Variants in PISD observed in about 807,000 individuals in gnomAD.
The protein encoded by PISD is phosphatidylserine decarboxylase proenzyme, mitochondrial.
A neutral mutation model predicts 43.5 loss-of-function variants in PISD; 31 were observed. The observed-to-expected ratio is 0.71, with a 90% CI of 0.54 to 0.96. PISD has a LOEUF of 0.96. PISD is among the 40% of genes least tolerant of loss of function. PISD has a pLI of 0.00. For missense variants in PISD, 523 were observed against 548.4 expected (o/e 0.95, Z 0.46); for synonymous variants, 259 against 228.7 (o/e 1.13, Z -1.20).
In PISD at chr22:31,620,569, C is replaced by G. The variant is rs369296426; in HGVS notation, c.989G>C (p.Arg330Pro). Residue 330 changes from arginine to proline, a missense_variant, in exon 7 of 8, where the codon CGC (arginine) becomes CCC (proline). Physicochemically the swap from Arg to Pro is moderately radical, Grantham distance 103 (BLOSUM62 -2). Coordinates refer to ENST00000439502, the MANE Select transcript of PISD (RefSeq NM_001326411.2). Reference protein sequence around the residue: ...AVGATNVGSIRIYFDRDLHTN... With the variant: ...AVGATNVGSIPIYFDRDLHTN... ...CCTGCTTACCCGGTCAAAGTAGATG[C>G]GAATGGAGCCCACGTTGGTGGCCCC... 22 of 1,614,064 alleles carry G rather than the reference C, an allele frequency of 1.4e-5. No homozygotes were observed. The African/African-American group carries it at 1.6e-4, about 12-fold the overall frequency.
At chr22:31,645,038 C>T (rs1263144491) in intron 3 of PISD, among the ~76,000 whole-genome samples, 1 of 152,080 alleles carries the variant, frequency 6.6e-6, no homozygotes, top group Non-Finnish European at 1.5e-5. Context: ...AGGAGAATCG[C>T]TTGAACCCAA....
At chr22:31,627,380 C>T (rs1216348928) in intron 3 of PISD, among the ~76,000 whole-genome samples, 3 of 152,372 alleles carry the variant, frequency 2.0e-5, no homozygotes, top group South Asian at 2.1e-4. Context: ...GGCCGAGGCC[C>T]AGGCCCATAG....
In PISD at chr22:31,619,564, A is replaced by ACTCTGTT; in HGVS notation, c.*41_*47dup. 1 of 1,508,386 alleles carries ACTCTGTT rather than the reference A, an allele frequency of 6.6e-7. No homozygotes were observed. The highest frequency in any genetic ancestry group is 2.3e-5 in the East Asian group (1 of 44,230). The allele number at this position is 1,508,386 out of a possible 1,614,324, so 93.4% of individuals were successfully genotyped here. On this transcript the variant is annotated 3_prime_UTR_variant, in exon 8 of 8. Coordinates refer to ENST00000439502, the MANE Select transcript of PISD (RefSeq NM_001326411.2). ...GGGCCTCCCTCTTGAAAAGACCCTC[A>ACTCTGTT]CTCTGTTTGGAAAAGATCCCTTAGC...
In PISD at chr22:31,627,736, G is replaced by T. The variant is rs550150868; in HGVS notation, c.322-5851C>A. Among the ~76,000 whole-genome samples the T allele has an allele frequency of 2.0e-5, 3 of 152,380 alleles. No homozygotes were observed. In the South Asian group the frequency reaches 6.2e-4, roughly 32 times the overall value. On this transcript the variant is annotated intron_variant, in intron 3 of 7. Transcript: ENST00000439502. ...ACCATGTGGGACAGTGACGACCACAGCCCTGAATGTATTAGAAAGACATGA... is the reference window on the plus strand; with the variant it reads ...ACCATGTGGGACAGTGACGACCACATCCCTGAATGTATTAGAAAGACATGA...
rs3747156 is a variant in PISD at position 31,630,938 on chromosome 22, G to T, written c.322-9053C>A. On this transcript the variant is annotated intron_variant, in intron 3 of 7. Coordinates refer to ENST00000439502, the MANE Select transcript of PISD (RefSeq NM_001326411.2). This position sits in a 1 kb window ranked among gnomAD's most constrained non-coding sequence, Gnocchi z 4.4. ...GGGCGGGGGCAGGAGGCCGACCCCAGCCACCCTTAAAGCTGCCGCCCCCTC... is the reference window on the plus strand; with the variant it reads ...GGGCGGGGGCAGGAGGCCGACCCCATCCACCCTTAAAGCTGCCGCCCCCTC... 0.063 allele frequency: 54,863 copies of T among 872,980 alleles called. 1,983 individuals are homozygous for T. Among genetic ancestry groups the T allele is most frequent in the Admixed American group, 0.15 (2,368 of 16,156 alleles). 54.1% of individuals were successfully genotyped at this position (872,980 alleles called of 1,614,324 possible). A position where few individuals can be genotyped will look rare whatever the true frequency, so the allele number is the denominator to read the frequency against.
chr22:31,638,324 G>A (rs935656629), intron 3 of PISD: 9 of 977,020 alleles, frequency 9.2e-6, no homozygotes, highest in African/African-American at 1.8e-5. Context: ...GAGTCTGGAC[G>A]GCCACCCCTG....
intron 3 of PISD, among the ~76,000 whole-genome samples, chr22:31,645,142 T>C (rs1315989988): frequency 6.6e-6 from 1 of 151,920 alleles, no homozygotes; most frequent in African/African-American, 2.4e-5. Context: ...AAAAAAACTT[T>C]GTTTCATGAA....
intron 3 of PISD, chr22:31,628,151 G>A (rs2073010453): frequency 1.0e-6 from 1 of 985,688 alleles, no homozygotes; most frequent in South Asian, 4.7e-5. Flanking sequence ...TCGCCAGGGA[G>A]GAAAATGAAT....
At chr22:31,635,901 C>T (rs768239184) in intron 3 of PISD, among the ~76,000 whole-genome samples, 8 of 152,240 alleles carry the variant, frequency 5.3e-5, no homozygotes, top group Admixed American at 2.0e-4. Context: ...CACACTCACA[C>T]CTATTAGGTA....
At position 31,619,816 on chromosome 22, in the gene PISD, T is replaced by C. The variant is rs2072387358; in HGVS notation, c.1026A>G (p.Pro342=). 7.4e-6 allele frequency: 12 copies of C among 1,613,678 alleles called. No homozygotes were observed. Among genetic ancestry groups the C allele is most frequent in the African/African-American group, 1.3e-5 (1 of 75,036 alleles). The change falls in exon 8 of 8, where the codon CCA becomes CCG. Residue 342 remains proline, a synonymous_variant. Transcript: ENST00000439502. The part of the protein sequence containing the change: ...YFDRDLHTNS[P]RHSKGSYNDF... The stretch of plus-strand genomic sequence containing the variant: ...CATTGTAGGAGCCCTTGCTGTGCCT[T>C]GGGCTGTTTGTGTGCAGGTCCTGTG...
chr22:31,621,502 G>A lies in PISD; in HGVS notation c.559-30C>T, dbSNP rs1160865001. Reference sequence around the variant, plus strand: ...AAGGGCAGGAGAGGCTTGCTGCCAGGGAGAGCAGGGTCTCCTCCCCCCAGG... The same window carrying A: ...AAGGGCAGGAGAGGCTTGCTGCCAGAGAGAGCAGGGTCTCCTCCCCCCAGG... On this transcript the variant is annotated intron_variant, in intron 4 of 7. Transcript: ENST00000439502. 5.0e-6 allele frequency: 8 copies of A among 1,613,232 alleles called. 1 individual carries two copies. The South Asian group carries it at 8.8e-5, about 18-fold the overall frequency.
chr22:31,631,506 C>A (rs1463096802), intron 3 of PISD, among the ~76,000 whole-genome samples: 1 of 152,178 alleles, frequency 6.6e-6, no homozygotes, highest in Non-Finnish European at 1.5e-5. Context: ...AAGGTCCGAC[C>A]GCCCCAGCCT....
chr22:31,621,915 G>A (rs2072605805), intron 3 of PISD, 30 bp from the exon 4 acceptor site: 2 of 1,523,176 alleles, frequency 1.3e-6, no homozygotes, highest in African/African-American at 2.7e-5. Flanking sequence ...GGGCTGAGTT[G>A]ACCACACTGC....
Position 31,623,448 on chromosome 22 carries a change from G to A in PISD, c.322-1563C>T, listed in dbSNP as rs554344638. ...GCCCCAAATGGCAGACATGAGGCAG[G>A]CTAGGGGAGTGGGCAGGGCACGACA... On this transcript the variant is annotated intron_variant, in intron 3 of 7. Coordinates refer to ENST00000439502, the MANE Select transcript of PISD (RefSeq NM_001326411.2). 5.3e-5 allele frequency among the ~76,000 whole-genome samples: 8 copies of A among 152,354 alleles called. No individual in the cohort carries two copies. The South Asian group carries it at 1.7e-3, about 32-fold the overall frequency.
intron 3 of PISD, 76 bp from the exon 4 acceptor site, chr22:31,621,961 C>G: frequency 2.7e-6 from 3 of 1,105,270 alleles, no homozygotes; most frequent in Non-Finnish European, 4.1e-6. Flanking sequence ...GTCATTAGCC[C>G]AGCTCTCACT....
chr22:31,637,141 AT>A lies in PISD; in HGVS notation c.321+10959del, dbSNP rs1208149126. Among the ~76,000 whole-genome samples, 185 of 29,408 alleles carry A rather than the reference AT, an allele frequency of 6.3e-3. 2 individuals carry two copies. Among genetic ancestry groups the A allele is most frequent in the Non-Finnish European group, 9.8e-3 (147 of 15,042 alleles). 19.3% of individuals were successfully genotyped at this position (29,408 alleles called of 152,430 possible). A position where few individuals can be genotyped will look rare whatever the true frequency, so the allele number is the denominator to read the frequency against. ...TACAAAAAAAAATAATAATAAATAA[AT>A]TAAAAAAAAAAAAAAAAAAAAAATA... On this transcript the variant is annotated intron_variant, in intron 3 of 7. Coordinates refer to ENST00000439502, the MANE Select transcript of PISD (RefSeq NM_001326411.2).
chr22:31,625,542 C>T, intron 3 of PISD: 1 of 593,616 alleles, frequency 1.7e-6, no homozygotes, highest in Non-Finnish European at 3.0e-6. Flanking sequence ...TGGCAGCCTC[C>T]CCCTGCTGGG....
rs767350457 is a variant in PISD at position 31,637,535 on chromosome 22, G to A, written c.321+10566C>T. Among the ~76,000 whole-genome samples the A allele has an allele frequency of 4.1e-4, 63 of 151,976 alleles. 1 individual carries two copies. Among genetic ancestry groups the A allele is most frequent in the Non-Finnish European group, 6.6e-4 (45 of 67,996 alleles). ...CTTCCTCCTGCACCAGCTCGCGGCA[G>A]CCACAGGGCTGTTCTGTTCAGACCT... On this transcript the variant is annotated intron_variant, in intron 3 of 7. Transcript: ENST00000439502.
At chr22:31,651,795 T>A (rs973874187) in intron 1 of PISD, among the ~76,000 whole-genome samples, 1 of 152,202 alleles carries the variant, frequency 6.6e-6, no homozygotes, top group Non-Finnish European at 1.5e-5. Context: ...TTCTCTTCTT[T>A]GTTTCATCTT....
Sources: allele counts gnomAD v4.1 joint callset (sites outside exome capture counted in the v4.1 genomes callset), GRCh38; gene constraint gnomAD v4.1.1; non-coding constraint Gnocchi (gnomAD v3.1); transcripts MANE v1.5; gene names NCBI Gene and HGNC (gene_info 2026-07-23, HGNC 2026-07-21).